Variants in ZNF431 observed in about 807,000 individuals in gnomAD.
ZNF431 encodes the protein zinc finger protein 431.
In ZNF431, 34 loss-of-function variants were observed where a neutral mutation model predicts 57.0. The ratio of observed to expected loss-of-function variants is 0.60; its 90% CI spans 0.45 to 0.79. ZNF431 has a LOEUF of 0.79. ZNF431 is among the 30% of genes least tolerant of loss of function. ZNF431 has a pLI of 0.00. For synonymous variants in ZNF431, 207 were observed against 220.3 expected, an observed-to-expected ratio of 0.94 and a Z score of 0.54; for missense variants, 607 against 667.1, an observed-to-expected ratio of 0.91 and a Z score of 0.99.
At chr19:21,172,657 T>C (rs1489820149) in intron 4 of ZNF431, among the ~76,000 whole-genome samples, 1 of 151,978 alleles carries the variant, frequency 6.6e-6, no homozygotes, top group Non-Finnish European at 1.5e-5. Flanking sequence ...TAAAAATATC[T>C]AGGCATAGTG....
At chr19:21,145,478 AAAAGAAAC>A (rs1970060092) in intron 2 of ZNF431, among the ~76,000 whole-genome samples, 1 of 152,316 alleles carries the variant, frequency 6.6e-6, no homozygotes, top group East Asian at 1.9e-4. Flanking sequence ...CTCCATCTCA[AAAAGAAAC>A]AAAGAAACAA....
chr19:21,176,469 CCAG>C, intron 4 of ZNF431, among the ~76,000 whole-genome samples: 1 of 151,600 alleles, frequency 6.6e-6, no homozygotes, highest in Non-Finnish European at 1.5e-5. Context: ...TCTCAAACTC[CCAG>C]TCTCAGGTGA....
At position 21,146,391 on chromosome 19, in the gene ZNF431, CAG is replaced by C. The variant is rs565095417; in HGVS notation, c.96+2751_96+2752del. ...TGCCACTGCACTCCAGCCTGGGTGA[CAG>C]AGTGACACTCTGTCTGAAAAAAAAA... On this transcript the variant is annotated intron_variant, in intron 2 of 4. Transcript: ENST00000311048. 3.6e-4 allele frequency among the ~76,000 whole-genome samples: 44 copies of C among 122,548 alleles called. No homozygotes were observed. The South Asian group carries it at 8.7e-3, about 24-fold the overall frequency. The allele number at this position is 122,548 out of a possible 152,430, so 80.4% of individuals were successfully genotyped here.
In ZNF431 at chr19:21,184,343, C is replaced by G. The variant is rs911267119; in HGVS notation, c.*309C>G. On this transcript the variant is annotated 3_prime_UTR_variant, in exon 5 of 5. Coordinates refer to ENST00000311048, the MANE Select transcript of ZNF431 (RefSeq NM_133473.4). ...CCAGTTTGGCAACAGAGTGAGACTCCGTCTCAAAAAAAATTTATACTGTAC... is the reference window on the plus strand; with the variant it reads ...CCAGTTTGGCAACAGAGTGAGACTCGGTCTCAAAAAAAATTTATACTGTAC... The G allele has an allele frequency of 2.0e-5, 4 of 198,188 alleles. No homozygotes were observed. The highest frequency in any genetic ancestry group is 2.7e-4 in the South Asian group (2 of 7,542). The allele number at this position is 198,188 out of a possible 1,614,324, so 12.3% of individuals were successfully genotyped here.
intron 2 of ZNF431, 149 bp from the exon 3 acceptor site, chr19:21,166,186 C>G: frequency 6.3e-6 from 8 of 1,262,676 alleles, no homozygotes; most frequent in Non-Finnish European, 8.5e-6. Flanking sequence ...GAAAATATTT[C>G]TGTGTTAAAA....
In ZNF431 at chr19:21,188,141, C is replaced by T. The variant is rs1206228670; in HGVS notation, c.*4107C>T. 2.0e-5 allele frequency: 3 copies of T among 151,994 alleles called. No homozygotes were observed. The highest frequency in any genetic ancestry group is 4.8e-5 in the African/African-American group (2 of 41,360). The allele number at this position is 151,994 out of a possible 1,614,324, so 9.4% of individuals were successfully genotyped here. ...CGCGTGGTGACGCACGCCTGTAATC[C>T]CAGCTACTCGGAAGGCCGAGGGAGC... is the stretch of plus-strand genomic sequence containing the variant. On this transcript the variant is annotated 3_prime_UTR_variant, in exon 5 of 5. Transcript: ENST00000311048.
At chr19:21,146,754 C>T (rs192231050) in intron 2 of ZNF431, among the ~76,000 whole-genome samples, 2 of 152,270 alleles carry the variant, frequency 1.3e-5, no homozygotes, top group East Asian at 3.9e-4. Context: ...CTTGTGCTGA[C>T]CTTCTTTCCT....
At chr19:21,176,842 G>A (rs749518444) in intron 4 of ZNF431, among the ~76,000 whole-genome samples, 3 of 151,666 alleles carry the variant, frequency 2.0e-5, no homozygotes, top group Admixed American at 6.6e-5. Flanking sequence ...GATTACAGGC[G>A]CCTGCCACCA....
chr19:21,143,599 C>T lies in ZNF431; in HGVS notation c.52C>T (p.Pro18Ser). ...VYPLKEASGC[P>S]GAERNLLVYS... The stretch of plus-strand genomic sequence containing the variant: ...TCCTCTCAAGGAAGCAAGTGGATGC[C>T]CTGGGGCTGAGAGGAATCTTCTAGT... The change falls in exon 2 of 5, where the codon CCT (proline) becomes TCT (serine). Residue 18 changes from proline to serine, a missense_variant. Transcript: ENST00000311048. 6.2e-7 allele frequency: 1 copy of T among 1,613,820 alleles called. No homozygotes were observed. The highest frequency in any genetic ancestry group is 8.5e-7 in the Non-Finnish European group (1 of 1,179,810).
intron 1 of ZNF431, among the ~76,000 whole-genome samples, chr19:21,142,682 G>T (rs992223988): frequency 4.6e-5 from 7 of 152,172 alleles, no homozygotes; most frequent in African/African-American, 1.4e-4. Context: ...GTGCTTCATG[G>T]GCGGGACTTG....
Position 21,183,947 on chromosome 19 carries a change from A to T in ZNF431, c.1644A>T (p.Thr548=), listed in dbSNP as rs1971291875. 1.9e-6 allele frequency: 3 copies of T among 1,609,684 alleles called. No homozygotes were observed. The African/African-American group carries it at 4.0e-5, about 22-fold the overall frequency. Reference sequence around the variant, plus strand: ...ACAACTGTGAAGAATGTGACAATACATTTAACCAGTCCTCAAACCTTATTA... The same window carrying T: ...ACAACTGTGAAGAATGTGACAATACTTTTAACCAGTCCTCAAACCTTATTA... ...KPYNCEECDN[T]FNQSSNLIKQ... is the part of the protein sequence containing the mutation. Residue 548 remains threonine (T), a synonymous_variant, in exon 5 of 5, where the codon ACA becomes ACT. Coordinates refer to ENST00000311048, the MANE Select transcript of ZNF431 (RefSeq NM_133473.4).
intron 2 of ZNF431, chr19:21,151,034 T>A (rs1163697591): frequency 6.6e-6 from 1 of 152,140 alleles, no homozygotes; most frequent in African/African-American, 2.4e-5. Context: ...TTAAGCTGAC[T>A]TTTAACCACA....
At chr19:21,155,606 T>C (rs1699762496) in intron 2 of ZNF431, among the ~76,000 whole-genome samples, 1 of 152,172 alleles carries the variant, frequency 6.6e-6, no homozygotes, top group South Asian at 2.1e-4. Flanking sequence ...ATAAATTACC[T>C]TGCGGAGTCC....
At chr19:21,146,381 G>A (rs1970095312) in intron 2 of ZNF431, among the ~76,000 whole-genome samples, 1 of 137,218 alleles carries the variant, frequency 7.3e-6, no homozygotes, top group Non-Finnish European at 1.5e-5. Context: ...CTGCACTCCA[G>A]CCTGGGTGAC....
Position 21,195,056 on chromosome 19 carries a change from A to G in ZNF431, c.*11022A>G, listed in dbSNP as rs1391116618. 1 of 152,198 alleles carries G rather than the reference A, an allele frequency of 6.6e-6. No homozygotes were observed. Among genetic ancestry groups the G allele is most frequent in the Non-Finnish European group, 1.5e-5 (1 of 68,040 alleles). 9.4% of individuals were successfully genotyped at this position (152,198 alleles called of 1,614,324 possible). On this transcript the variant is annotated 3_prime_UTR_variant, in exon 5 of 5. Transcript: ENST00000311048. ...GGTGTCAGTGGTTGGGAATAACAAC[A>G]TTTGCAGGCTCATGAGAGCTGCCTG...
Position 21,192,579 on chromosome 19 carries a change from T to A in ZNF431, c.*8545T>A, listed in dbSNP as rs1403581430. On this transcript the variant is annotated 3_prime_UTR_variant, in exon 5 of 5. Coordinates refer to ENST00000311048, the MANE Select transcript of ZNF431 (RefSeq NM_133473.4). Reference sequence around the variant, plus strand: ...ATTCCTTTTCCTCAATTTGGATGCCTTTGATTTTTTTCTCTAATTTCTTTG... The same window carrying A: ...ATTCCTTTTCCTCAATTTGGATGCCATTGATTTTTTTCTCTAATTTCTTTG... The A allele has an allele frequency of 1.4e-5, 2 of 145,602 alleles. No homozygotes were observed. Among genetic ancestry groups the A allele is most frequent in the Non-Finnish European group, 3.0e-5 (2 of 66,826 alleles). 9.0% of individuals were successfully genotyped at this position (145,602 alleles called of 1,614,324 possible).
chr19:21,150,324 A>G, intron 2 of ZNF431: 1 of 422,480 alleles, frequency 2.4e-6, no homozygotes, highest in East Asian at 5.8e-5. Flanking sequence ...CCAGTGCCAC[A>G]ATTCTTAGGC....
chr19:21,170,490 T>C (rs1170131467), intron 4 of ZNF431, among the ~76,000 whole-genome samples: 2 of 152,298 alleles, frequency 1.3e-5, no homozygotes, highest in Middle Eastern at 3.4e-3. Flanking sequence ...AGAATTTACA[T>C]GTTATGCCTG....
intron 4 of ZNF431, among the ~76,000 whole-genome samples, chr19:21,168,976 A>G (rs917994515): frequency 5.3e-5 from 8 of 152,166 alleles, no homozygotes; most frequent in African/African-American, 1.9e-4. Context: ...CAATGGCATA[A>G]TCTCAGCTCA....
Sources: gnomAD v4.1 joint callset for allele counts (sites outside exome capture counted in the v4.1 genomes callset) on GRCh38, gnomAD v4.1.1 for gene constraint, MANE v1.5 for transcripts, NCBI Gene and HGNC (gene_info 2026-07-23, HGNC 2026-07-21) for gene names.